Variants in MAPKAP1 observed in about 807,000 individuals in gnomAD.
MAPKAP1 encodes MAPK associated protein 1, also known as target of rapamycin complex 2 subunit MAPKAP1.
Under a neutral mutation model 65.7 loss-of-function variants are expected in MAPKAP1, and 20 were observed. That is an observed-to-expected ratio of 0.30 (90% CI 0.21 to 0.44). The LOEUF (loss-of-function observed/expected upper bound fraction) is 0.44. Among genes scored for constraint, MAPKAP1 ranks in the 20% least tolerant of loss-of-function variants. The pLI, the probability that MAPKAP1 is intolerant of heterozygous loss-of-function variation, is 1.00. For synonymous variants in MAPKAP1, 222 were observed against 244.3 expected, an observed-to-expected ratio of 0.91 and a Z score of 0.85; for missense variants, 423 against 648.0, an observed-to-expected ratio of 0.65 and a Z score of 3.77.
intron 4 of MAPKAP1, among the ~76,000 whole-genome samples, chr9:125,636,000 T>C (rs977340029): frequency 1.3e-5 from 2 of 152,214 alleles, no homozygotes; most frequent in Admixed American, 6.5e-5. Context: ...ACCTGGGACA[T>C]GTATGAACTC....
At chr9:125,635,557 G>A (rs1190612306) in intron 4 of MAPKAP1, among the ~76,000 whole-genome samples, 1 of 152,198 alleles carries the variant, frequency 6.6e-6, no homozygotes, top group South Asian at 2.1e-4. Context: ...AGCCCTGTCT[G>A]AGAAAGAGAC....
intron 4 of MAPKAP1, among the ~76,000 whole-genome samples, chr9:125,606,584 C>G (rs1049982013): frequency 1.3e-5 from 2 of 152,120 alleles, no homozygotes; most frequent in African/African-American, 4.8e-5. Flanking sequence ...AGAGCAGATG[C>G]TCAAATATTA....
chr9:125,670,418 A>T (rs1194279005), intron 2 of MAPKAP1, among the ~76,000 whole-genome samples: 3 of 152,258 alleles, frequency 2.0e-5, no homozygotes, highest in Non-Finnish European at 4.4e-5. Context: ...TATATAAATT[A>T]GCATAGCTTT....
At chr9:125,596,032 AT>A in intron 4 of MAPKAP1, 3 of 1,452,802 alleles carry the variant, frequency 2.1e-6, no homozygotes, top group Non-Finnish European at 1.9e-6. Flanking sequence ...CACCTGCGAG[AT>A]TATTTTGAAC....
chr9:125,546,686 G>A (rs1173397065), intron 6 of MAPKAP1, among the ~76,000 whole-genome samples: 1 of 152,144 alleles, frequency 6.6e-6, no homozygotes, highest in African/African-American at 2.4e-5. Context: ...GTTTGAAGCT[G>A]AGAAGACAAT....
intron 8 of MAPKAP1, 86 bp downstream of exon 8, chr9:125,506,223 AC>A: frequency 8.7e-7 from 1 of 1,154,388 alleles, no homozygotes. Flanking sequence ...GCCTAGGGAA[AC>A]CAGACCAGTG....
chr9:125,590,920 T>C (rs948878586), intron 4 of MAPKAP1, among the ~76,000 whole-genome samples: 1 of 152,106 alleles, frequency 6.6e-6, no homozygotes. Flanking sequence ...ATTGCAGGCA[T>C]GTGCCACCAC....
At chr9:125,543,221 T>C (rs2133171134) in intron 6 of MAPKAP1, 53 bp from the exon 7 acceptor site, 2 of 1,297,444 alleles carry the variant, frequency 1.5e-6, no homozygotes, top group East Asian at 2.3e-5. Context: ...CAGAGAGATG[T>C]TACTGCAATC....
intron 4 of MAPKAP1, among the ~76,000 whole-genome samples, chr9:125,639,076 C>T (rs1833504824): frequency 6.6e-6 from 1 of 152,048 alleles, no homozygotes; most frequent in African/African-American, 2.4e-5. Context: ...TCGTCTCTAC[C>T]AAAACTACAA....
chr9:125,536,800 A>G (rs949580195), intron 7 of MAPKAP1, among the ~76,000 whole-genome samples: 7 of 152,216 alleles, frequency 4.6e-5, no homozygotes, highest in African/African-American at 2.4e-5. Flanking sequence ...AGGGCATTTC[A>G]GGCTAGAAGG....
chr9:125,459,902 C>G (rs1336316350), intron 10 of MAPKAP1, among the ~76,000 whole-genome samples: 1 of 145,986 alleles, frequency 6.8e-6, no homozygotes, highest in East Asian at 2.0e-4. Flanking sequence ...ATAAGCAATA[C>G]ACACTTTGAT....
At chr9:125,571,696 TA>T (rs60707315) in intron 5 of MAPKAP1, among the ~76,000 whole-genome samples, 135,764 of 151,292 alleles carry the variant, frequency 0.9, 61,694 homozygotes, top group East Asian at 1. Context: ...CCATCTTTAC[TA>T]AAAAAAAATA....
At chr9:125,639,569 T>C (rs972826511) in intron 4 of MAPKAP1, among the ~76,000 whole-genome samples, 4 of 152,154 alleles carry the variant, frequency 2.6e-5, no homozygotes, top group African/African-American at 9.7e-5. Flanking sequence ...CTGAACACTA[T>C]GCTGGGCACT....
At chr9:125,468,883 C>T (rs1007161602) in intron 9 of MAPKAP1, among the ~76,000 whole-genome samples, 1 of 152,074 alleles carries the variant, frequency 6.6e-6, no homozygotes, top group Non-Finnish European at 1.5e-5. Context: ...GTATAGTGAC[C>T]GGGAATAAAG....
At chr9:125,549,846 C>A (rs1183021162) in intron 6 of MAPKAP1, among the ~76,000 whole-genome samples, 1 of 152,270 alleles carries the variant, frequency 6.6e-6, no homozygotes. Context: ...CAGCTGGGCA[C>A]AGGTGGGGGA....
intron 10 of MAPKAP1, among the ~76,000 whole-genome samples, chr9:125,462,446 G>A (rs531477396): frequency 6.6e-6 from 1 of 152,326 alleles, no homozygotes; most frequent in Non-Finnish European, 1.5e-5. Flanking sequence ...CCCTGCAGCT[G>A]GAATGCCAGT....
At chr9:125,669,972 T>C in intron 2 of MAPKAP1, 65 bp from the exon 3 acceptor site, 1 of 915,770 alleles carries the variant, frequency 1.1e-6, no homozygotes, top group Non-Finnish European at 1.7e-6. Context: ...AAGACATAAT[T>C]AACTACCTTT....
chr9:125,528,025 T>C (rs1829822947), intron 7 of MAPKAP1, among the ~76,000 whole-genome samples: 1 of 152,132 alleles, frequency 6.6e-6, no homozygotes, highest in African/African-American at 2.4e-5. Flanking sequence ...TTTCACTACA[T>C]CTTAGTTCAT....
intron 7 of MAPKAP1, among the ~76,000 whole-genome samples, chr9:125,531,904 T>C (rs957840215): frequency 3.3e-5 from 5 of 152,246 alleles, no homozygotes; most frequent in Non-Finnish European, 5.9e-5. Flanking sequence ...ATTTTCTTTT[T>C]ACTTTTAGGT....
Sources: gnomAD v4.1 joint callset for allele counts (sites outside exome capture counted in the v4.1 genomes callset) on GRCh38, gnomAD v4.1.1 for gene constraint, MANE v1.5 for transcripts, NCBI Gene and HGNC (gene_info 2026-07-23, HGNC 2026-07-21) for gene names.